Variants in AP5M1 observed in about 807,000 individuals in gnomAD.
AP5M1 encodes the protein AP-5 complex subunit mu-1.
AP5M1 carries 44 observed loss-of-function variants against 52.3 expected under a neutral mutation model. The observed-to-expected ratio is 0.84, with a 90% CI of 0.66 to 1.08. The LOEUF is 1.08. Ranked by LOEUF, AP5M1 falls within the 50% of genes least tolerant of loss-of-function variation. The probability of loss-of-function intolerance (pLI) is 0.00; values close to 1 mark genes in which losing one functional copy is unlikely to be tolerated. For missense variants in AP5M1, 526 were observed against 568.4 expected (o/e 0.93, Z 0.76); for synonymous variants, 213 against 199.0 (o/e 1.07, Z -0.59).
intron 6 of AP5M1, 68 bp from the exon 7 acceptor site, chr14:57,286,155 G>GA (rs748242809): frequency 5.5e-6 from 6 of 1,095,746 alleles, no homozygotes; most frequent in South Asian, 4.1e-5. Flanking sequence ...TGGGTTAAGG[G>GA]AAAAAATGTA....
In AP5M1 at chr14:57,276,880, C is replaced by T. The variant is rs116618691; in HGVS notation, c.720+1991C>T. Among the ~76,000 whole-genome samples, 787 of 152,214 alleles carry T rather than the reference C, an allele frequency of 5.2e-3. 9 individuals are homozygous for T. The highest frequency in any genetic ancestry group is 0.018 in the African/African-American group (746 of 41,530). ...AAATGTTTCTTTAAGGTTGTATGTA[C>T]ATAGTATAACTGTTAGCCAAACATT... On this transcript the variant is annotated intron_variant, in intron 2 of 7. Transcript: ENST00000261558.
At chr14:57,286,182 A>G (rs754437028) in intron 6 of AP5M1, 41 bp from the exon 7 acceptor site, 3 of 1,332,608 alleles carry the variant, frequency 2.3e-6, no homozygotes, top group Non-Finnish European at 3.2e-6. Context: ...CTTTTTACCA[A>G]ATAATCACCT....
chr14:57,286,417 G>C (rs953358394), intron 7 of AP5M1, 98 bp downstream of exon 7: 1 of 793,510 alleles, frequency 1.3e-6, no homozygotes, highest in Non-Finnish European at 2.1e-6. Context: ...TTAGAGATTA[G>C]AGAATAATCC....
chr14:57,283,608 G>T (rs1038277102), intron 6 of AP5M1, among the ~76,000 whole-genome samples: 2 of 151,762 alleles, frequency 1.3e-5, no homozygotes, highest in South Asian at 2.1e-4. Context: ...GGGTTTTTTT[G>T]TTTGTTTGTT....
intron 3 of AP5M1, among the ~76,000 whole-genome samples, chr14:57,281,625 T>G (rs78336284): frequency 0.06 from 9,113 of 152,244 alleles, 920 homozygotes; most frequent in African/African-American, 0.21. Flanking sequence ...TTCTGTGTCT[T>G]ACTTCACATG....
chr14:57,280,569 A>G (rs2139691451), intron 3 of AP5M1, 147 bp downstream of exon 3: 1 of 678,660 alleles, frequency 1.5e-6, no homozygotes, highest in South Asian at 1.9e-5. Context: ...GAAGATTTAG[A>G]CCAGGCACGG....
chr14:57,286,251 T>A lies in AP5M1; in HGVS notation c.1322T>A (p.Leu441His), dbSNP rs1231951180. The A allele has an allele frequency of 6.2e-7, 1 of 1,612,366 alleles. No homozygotes were observed. The change falls in exon 7 of 8, where the codon CTT becomes CAT. Residue 441 changes from leucine (L) to histidine (H), a missense_variant. Coordinates refer to ENST00000261558, the MANE Select transcript of AP5M1 (RefSeq NM_018229.4). ...CATTTTAGGATCTTAGATTACACAC[T>A]TACTGGATGTTATGCAGATCAGCAT... Reference protein sequence around the residue: ...KLHFRILDYTLTGCYADQHSV... With the variant: ...KLHFRILDYTHTGCYADQHSV...
rs1313028907 is a variant in AP5M1 at position 57,292,767 on chromosome 14, C to T, written c.*3883C>T. 6.6e-6 allele frequency: 1 copy of T among 151,704 alleles called. No homozygotes were observed. The highest frequency in any genetic ancestry group is 2.4e-5 in the African/African-American group (1 of 41,382). The allele number at this position is 151,704 out of a possible 1,614,324, so 9.4% of individuals were successfully genotyped here. On this transcript the variant is annotated 3_prime_UTR_variant, in exon 8 of 8. Transcript: ENST00000261558. ...TGCATGGTTTCTTCTCACCTTTCCC[C>T]CTACCACCACCACCACCATTAGAAA... is the stretch of plus-strand genomic sequence containing the variant.
At position 57,269,408 on chromosome 14, in the gene AP5M1, C is replaced by T; in HGVS notation, c.74+20C>T. 1 of 1,612,278 alleles carries T rather than the reference C, an allele frequency of 6.2e-7. No homozygotes were observed. On this transcript the variant is annotated intron_variant, in intron 1 of 7. Coordinates refer to ENST00000261558, the MANE Select transcript of AP5M1 (RefSeq NM_018229.4). ...CTCCAGGTAAATGCAAATCTGAATC[C>T]TCAGGGATGATGGATCAGAAGATCG...
rs1594705833 is a variant in AP5M1 at position 57,283,361 on chromosome 14, C to T, written c.1293+131C>T. 4.8e-6 allele frequency: 3 copies of T among 621,458 alleles called. No homozygotes were observed. The East Asian group carries it at 8.6e-5, about 18-fold the overall frequency. The allele number at this position is 621,458 out of a possible 1,614,324, so 38.5% of individuals were successfully genotyped here. ...GTTCTTTTAGTCTGGGATAAGTTCTCTTTTGGATTTTTGTTTGATTTTTTG... is the reference window on the plus strand; with the variant it reads ...GTTCTTTTAGTCTGGGATAAGTTCTTTTTTGGATTTTTGTTTGATTTTTTG... On this transcript the variant is annotated intron_variant, in intron 6 of 7. Transcript: ENST00000261558.
Position 57,296,861 on chromosome 14 carries a change from A to G in AP5M1, c.*7977A>G, listed in dbSNP as rs540346196. On this transcript the variant is annotated 3_prime_UTR_variant, in exon 8 of 8. Transcript: ENST00000261558. The stretch of plus-strand genomic sequence containing the variant: ...TCTGGGATTAGACAAAAGACAAAAA[A>G]CAGTTCCATATTTTGAACGATATAT... The G allele has an allele frequency of 4.6e-5, 7 of 152,142 alleles. No individual in the cohort carries two copies. The South Asian group carries it at 1.5e-3, about 32-fold the overall frequency. The allele number at this position is 152,142 out of a possible 1,614,324, so 9.4% of individuals were successfully genotyped here. A position where few individuals can be genotyped will look rare whatever the true frequency, so the allele number is the denominator to read the frequency against.
intron 1 of AP5M1, among the ~76,000 whole-genome samples, chr14:57,269,695 T>C (rs1192045387): frequency 3.3e-5 from 5 of 152,224 alleles, no homozygotes; most frequent in African/African-American, 1.2e-4. Context: ...GGTAGAAAAT[T>C]TACTGAGCAC....
Position 57,270,317 on chromosome 14 carries a change from T to C in AP5M1, c.74+929T>C, listed in dbSNP as rs559832265. 2.6e-5 allele frequency among the ~76,000 whole-genome samples: 4 copies of C among 152,360 alleles called. No homozygotes were observed. The East Asian group carries it at 5.8e-4, about 22-fold the overall frequency. Reference sequence around the variant, plus strand: ...TGTACAGTAACTCATTGTAAAATGTTGGTGGCAATCGAGTGGGTCTATTTC... The same window carrying C: ...TGTACAGTAACTCATTGTAAAATGTCGGTGGCAATCGAGTGGGTCTATTTC... On this transcript the variant is annotated intron_variant, in intron 1 of 7. Coordinates refer to ENST00000261558, the MANE Select transcript of AP5M1 (RefSeq NM_018229.4).
intron 3 of AP5M1, among the ~76,000 whole-genome samples, chr14:57,281,300 TC>T (rs1013912138): frequency 2.0e-5 from 3 of 152,140 alleles, no homozygotes; most frequent in Non-Finnish European, 4.4e-5. Context: ...TTTTCAGACT[TC>T]CAAACCTCGT....
intron 1 of AP5M1, chr14:57,273,833 T>C: frequency 1.5e-6 from 1 of 675,314 alleles, no homozygotes; most frequent in Non-Finnish European, 2.7e-6. Context: ...ATTGAACCAC[T>C]TTGTTAGCCC....
In AP5M1 at chr14:57,290,242, G is replaced by A. The variant is rs556300156; in HGVS notation, c.*1358G>A. On this transcript the variant is annotated 3_prime_UTR_variant, in exon 8 of 8. Transcript: ENST00000261558. ...AGTCCTACTCATAAACTCATTTTCT[G>A]CAAAGCATTATCATGGCATAAGGTT... 1.3e-4 allele frequency: 19 copies of A among 151,948 alleles called. No individual in the cohort carries two copies. In the South Asian group the frequency reaches 3.3e-3, roughly 27 times the overall value. The allele number at this position is 151,948 out of a possible 1,614,324, so 9.4% of individuals were successfully genotyped here.
At chr14:57,270,288 G>GAATT in intron 1 of AP5M1, among the ~76,000 whole-genome samples, 1 of 152,150 alleles carries the variant, frequency 6.6e-6, no homozygotes, top group East Asian at 1.9e-4. Flanking sequence ...TCTGTTAAGG[G>GAATT]AATTGTACAG....
intron 1 of AP5M1, among the ~76,000 whole-genome samples, chr14:57,270,107 C>T (rs1884849425): frequency 6.6e-6 from 1 of 152,176 alleles, no homozygotes; most frequent in Admixed American, 6.5e-5. Context: ...GCGCCCCGCC[C>T]AGGCTTTTAT....
In AP5M1 at chr14:57,274,311, G is replaced by GAA. The variant is rs1449651626; in HGVS notation, c.143_144insAA (p.Asp48GlufsTer41). 1 of 1,614,058 alleles carries GAA rather than the reference G, an allele frequency of 6.2e-7. No homozygotes were observed. The highest frequency in any genetic ancestry group is 8.5e-7 in the Non-Finnish European group (1 of 1,180,030). The stretch of plus-strand genomic sequence containing the variant: ...AGCAAGTTATGTGCCTGTTCCTGAA[G>GAA]ATGGTCCCTTTCTTAAAGCACTGCT... On this transcript the variant is annotated frameshift_variant, in exon 2 of 8. Coordinates refer to ENST00000261558, the MANE Select transcript of AP5M1 (RefSeq NM_018229.4). LOFTEE classifies it high-confidence loss of function.
Sources: allele counts gnomAD v4.1 joint callset (sites outside exome capture counted in the v4.1 genomes callset), GRCh38; gene constraint gnomAD v4.1.1; transcripts MANE v1.5; gene names NCBI Gene and HGNC (gene_info 2026-07-23, HGNC 2026-07-21).